RTCA: variants seen among roughly 807,000 people sequenced by gnomAD.
The protein encoded by RTCA is RNA terminal phosphate cyclase domain 1.
In RTCA, 37 loss-of-function variants were observed where a neutral mutation model predicts 46.1. The ratio of observed to expected loss-of-function variants is 0.80; its 90% CI spans 0.62 to 1.06. The LOEUF (loss-of-function observed/expected upper bound fraction) is 1.06, where lower values mean the gene tolerates loss of function less well. Among genes scored for constraint, RTCA ranks in the 50% least tolerant of loss-of-function variants. The pLI is 0.00. For synonymous variants in RTCA, 164 were observed against 158.3 expected (o/e 1.04, Z -0.27); for missense variants, 435 against 455.5 (o/e 0.95, Z 0.41).
At chr1:100,280,885 C>T (rs1666669688) in intron 8 of RTCA, among the ~76,000 whole-genome samples, 1 of 152,108 alleles carries the variant, frequency 6.6e-6, no homozygotes, top group Non-Finnish European at 1.5e-5. Flanking sequence ...GCTTGTAGTC[C>T]CAGCTACTCT....
At chr1:100,285,428 CCTA>C (rs1557980376) in intron 9 of RTCA, 106 bp downstream of exon 9, 1 of 715,080 alleles carries the variant, frequency 1.4e-6, no homozygotes, top group Admixed American at 2.7e-5. Context: ...ATTAGCAAGT[CCTA>C]CTTCAATAAT....
intron 10 of RTCA, among the ~76,000 whole-genome samples, chr1:100,290,904 C>T (rs1667316793): frequency 6.6e-6 from 1 of 152,106 alleles, no homozygotes; most frequent in Admixed American, 6.6e-5. Flanking sequence ...CCACCACCAC[C>T]CCTCCTCCCC....
chr1:100,283,621 C>G (rs958239974), intron 8 of RTCA, among the ~76,000 whole-genome samples: 3 of 152,020 alleles, frequency 2.0e-5, no homozygotes, highest in African/African-American at 7.2e-5. Context: ...TCTATAACAA[C>G]TTTGCAGCAT....
Position 100,273,429 on chromosome 1 carries a change from A to G in RTCA, c.450A>G (p.Ile150Met), listed in dbSNP as rs1666208679. 1 of 1,585,462 alleles carries G rather than the reference A, an allele frequency of 6.3e-7. No individual in the cohort carries two copies. Among genetic ancestry groups the G allele is most frequent in the African/African-American group, 1.3e-5 (1 of 74,234 alleles). ...CAATTGTTGAAAAATTTGGTTTCAT[A>G]TTTAATTGTGACATTAAAACAAGGT... ...FKPIVEKFGF[I>M]FNCDIKTRGY... is the part of the protein sequence containing the mutation. Residue 150 changes from isoleucine to methionine, a missense_variant, in exon 5 of 11, where the codon ATA (isoleucine) becomes ATG (methionine). Transcript: ENST00000370128.
chr1:100,267,585 G>A, intron 2 of RTCA: 1 of 1,514,946 alleles, frequency 6.6e-7, no homozygotes, highest in Admixed American at 2.1e-5. Context: ...CTCCAGGCCT[G>A]TCTTTTTGCC....
At position 100,266,259 on chromosome 1, in the gene RTCA, C is replaced by G. The variant is rs1433429024; in HGVS notation, c.-117C>G. On this transcript the variant is annotated 5_prime_UTR_variant, in exon 1 of 11. Coordinates refer to ENST00000370128, the MANE Select transcript of RTCA (RefSeq NM_003729.4). ...GCTTCTTCCGCTTTCTCGTCAGGCT[C>G]CTGCGCCCCAGGCATGAACCAAGGT... 2 of 1,207,978 alleles carry G rather than the reference C, an allele frequency of 1.7e-6. No individual in the cohort carries two copies. The highest frequency in any genetic ancestry group is 2.3e-6 in the Non-Finnish European group (2 of 885,054). The allele number at this position is 1,207,978 out of a possible 1,614,324, so 74.8% of individuals were successfully genotyped here. A position where few individuals can be genotyped will look rare whatever the true frequency, so the allele number is the denominator to read the frequency against.
At chr1:100,272,767 T>G (rs938356359) in intron 4 of RTCA, among the ~76,000 whole-genome samples, 7 of 152,142 alleles carry the variant, frequency 4.6e-5, no homozygotes, top group Admixed American at 2.0e-4. Context: ...TCAAGGAAAC[T>G]CCTCTAATTC....
rs1666697912 is a variant in RTCA, at chr1:100,281,390, G to C, written c.800-3838G>C. 6.0e-6 allele frequency: 3 copies of C among 496,234 alleles called. No homozygotes were observed. The Admixed American group carries it at 6.6e-5, about 11-fold the overall frequency. The allele number at this position is 496,234 out of a possible 1,614,324, so 30.7% of individuals were successfully genotyped here. ...CCATGTCCTGTCATTATCATGCATA[G>C]TGACTCTGGGCTTTCCTTATCTGAA... On this transcript the variant is annotated intron_variant, in intron 8 of 10. Transcript: ENST00000370128.
intron 9 of RTCA, among the ~76,000 whole-genome samples, chr1:100,286,454 CAAAAAA>C (rs754851046): frequency 2.2e-5 from 1 of 45,360 alleles, no homozygotes. Flanking sequence ...GACTCCGTCT[CAAAAAA>C]AAAAAAAAAA....
intron 3 of RTCA, among the ~76,000 whole-genome samples, chr1:100,269,624 C>T (rs560395305): frequency 3.3e-5 from 5 of 152,028 alleles, no homozygotes; most frequent in Non-Finnish European, 7.4e-5. Context: ...TGAGCCACCA[C>T]GCCCGGCCAA....
At chr1:100,277,367 T>G (rs1557976710) in intron 8 of RTCA, 51 bp downstream of exon 8, 6 of 1,463,942 alleles carry the variant, frequency 4.1e-6, no homozygotes, top group Non-Finnish European at 5.6e-6. Flanking sequence ...GCAGAATTCT[T>G]TAATCCATCA....
intron 4 of RTCA, among the ~76,000 whole-genome samples, chr1:100,271,869 C>T (rs921391803): frequency 3.3e-5 from 5 of 152,218 alleles, no homozygotes; most frequent in African/African-American, 1.2e-4. Context: ...CAGCCCCTGG[C>T]AACTGCTGAT....
At chr1:100,268,735 T>C (rs1665921051) in intron 3 of RTCA, among the ~76,000 whole-genome samples, 3 of 152,142 alleles carry the variant, frequency 2.0e-5, no homozygotes, top group Admixed American at 6.5e-5. Context: ...TTATTACTGA[T>C]AGAGACTTCC....
At position 100,274,919 on chromosome 1, in the gene RTCA, C is replaced by T. The variant is rs202192086; in HGVS notation, c.569C>T (p.Thr190Ile). Residue 190 changes from threonine to isoleucine, a missense_variant, in exon 6 of 11, where the codon ACT becomes ATT. Physicochemically the swap from Thr to Ile is moderately conservative, Grantham distance 89. Transcript: ENST00000370128. ...PINLTERGCV[T>I]KIYGRAFVAG... is the part of the protein sequence containing the mutation. ...AATTTAACTGAGCGTGGCTGTGTGA[C>T]TAAGATATATGGAAGAGCTTTCGTT... 130 of 1,612,530 alleles carry T rather than the reference C, an allele frequency of 8.1e-5. No homozygotes were observed. Among genetic ancestry groups the T allele is most frequent in the Non-Finnish European group, 1.1e-4 (126 of 1,179,060 alleles).
chr1:100,287,558 G>A (rs1335207150), intron 10 of RTCA, among the ~76,000 whole-genome samples: 1 of 152,144 alleles, frequency 6.6e-6, no homozygotes, highest in Non-Finnish European at 1.5e-5. Flanking sequence ...TACAGAGTAA[G>A]TAAAGATGTT....
At position 100,273,491 on chromosome 1, in the gene RTCA, T is replaced by TA. The variant is rs1666213327; in HGVS notation, c.473+40dup. On this transcript the variant is annotated intron_variant, in intron 5 of 10. Transcript: ENST00000370128. ...TTCTTAAATGTTAGGATCTATTACT[T>TA]ACGCTAGAAGTAGTGGAAAAGTTAG... The TA allele has an allele frequency of 3.0e-6, 4 of 1,346,470 alleles. No individual in the cohort carries two copies. In the South Asian group the frequency reaches 4.0e-5, roughly 13 times the overall value. The allele number at this position is 1,346,470 out of a possible 1,614,324, so 83.4% of individuals were successfully genotyped here.
rs185660435 is a variant in RTCA at position 100,268,335 on chromosome 1, T to A, written c.290+40T>A. ...ACATTCCATTTAAGTAACCTGGGTTTAAGTCCAGGTTTTGCCACTTTCTGG... is the reference window on the plus strand; with the variant it reads ...ACATTCCATTTAAGTAACCTGGGTTAAAGTCCAGGTTTTGCCACTTTCTGG... On this transcript the variant is annotated intron_variant, in intron 3 of 10. Transcript: ENST00000370128. 29 of 1,523,372 alleles carry A rather than the reference T, an allele frequency of 1.9e-5. No homozygotes were observed. In the Admixed American group the frequency reaches 5.6e-4, roughly 30 times the overall value. The allele number at this position is 1,523,372 out of a possible 1,614,324, so 94.4% of individuals were successfully genotyped here. A position where few individuals can be genotyped will look rare whatever the true frequency, so the allele number is the denominator to read the frequency against.
chr1:100,273,565 T>G, intron 5 of RTCA, 113 bp downstream of exon 5: 2 of 538,758 alleles, frequency 3.7e-6, no homozygotes, highest in Non-Finnish European at 6.3e-6. Context: ...ATTGCATCTC[T>G]TGTAAGAAGT....
chr1:100,277,373 CATCAGGATTGGAATGTTATAGAA>C, intron 8 of RTCA, 57 bp downstream of exon 8: 2 of 1,431,198 alleles, frequency 1.4e-6, no homozygotes, highest in Non-Finnish European at 1.9e-6. Context: ...TTCTTTAATC[CATCAGGATTGGAATGTTATAGAA>C]TGATGGATGA....
Sources: allele counts gnomAD v4.1 joint callset (sites outside exome capture counted in the v4.1 genomes callset), GRCh38; gene constraint gnomAD v4.1.1; transcripts MANE v1.5; gene names NCBI Gene and HGNC (gene_info 2026-07-23, HGNC 2026-07-21).